The following PDE10A variants were observed in gnomAD, a reference collection of about 807,000 sequenced individuals.
PDE10A encodes cAMP and cAMP-inhibited cGMP 3',5'-cyclic phosphodiesterase 10A.
A neutral mutation model predicts 97.7 loss-of-function variants in PDE10A; 39 were observed. The ratio of observed to expected loss-of-function variants is 0.40; its 90% CI spans 0.31 to 0.52. The LOEUF (loss-of-function observed/expected upper bound fraction) is 0.52. PDE10A is among the 20% of genes least tolerant of loss of function. The pLI, the probability that PDE10A is intolerant of heterozygous loss-of-function variation, is 0.56. For synonymous variants in PDE10A, 371 were observed against 376.8 expected (o/e 0.98, Z 0.18); for missense variants, 731 against 1,047.8 (o/e 0.70, Z 4.17).
chr6:165,682,164 C>T (rs1383618500), intron 1 of PDE10A, among the ~76,000 whole-genome samples: 1 of 152,188 alleles, frequency 6.6e-6, no homozygotes, highest in African/African-American at 2.4e-5. Context: ...TACGGTCTCA[C>T]TCTGTCACCC....
At chr6:165,654,176 T>G (rs1789822476) in intron 1 of PDE10A, among the ~76,000 whole-genome samples, 3 of 152,198 alleles carry the variant, frequency 2.0e-5, no homozygotes, top group South Asian at 4.1e-4. Flanking sequence ...CGATCCCCCC[T>G]GTACACCGGT....
rs573673907 is a variant in PDE10A at position 165,644,711 on chromosome 6, G to A, written c.865+17236C>T. Among the ~76,000 whole-genome samples the A allele has an allele frequency of 4.6e-5, 7 of 152,256 alleles. No individual in the cohort carries two copies. In the East Asian group the frequency reaches 7.7e-4, roughly 17 times the overall value. ...CACAGCGTATTCTATGAAAACCCCC[G>A]TATGAAATGACTGTCTTAGAACAGG... On this transcript the variant is annotated intron_variant, in intron 1 of 21. Transcript: ENST00000539869.
chr6:165,521,288 A>C (rs1162891983), intron 2 of PDE10A, among the ~76,000 whole-genome samples: 1 of 152,088 alleles, frequency 6.6e-6, no homozygotes, highest in Non-Finnish European at 1.5e-5. Context: ...TCCCTGAGAC[A>C]CAACAGAATT....
At chr6:165,653,052 C>T (rs535137111) in intron 1 of PDE10A, among the ~76,000 whole-genome samples, 3 of 152,266 alleles carry the variant, frequency 2.0e-5, no homozygotes, top group East Asian at 1.9e-4. Context: ...ATTTGGATTA[C>T]ATGAAAATAT....
At chr6:165,542,313 A>C (rs975316996) in intron 2 of PDE10A, among the ~76,000 whole-genome samples, 1 of 152,208 alleles carries the variant, frequency 6.6e-6, no homozygotes, top group African/African-American at 2.4e-5. Context: ...CAAATCAAAC[A>C]ATCCAATATA....
intron 2 of PDE10A, among the ~76,000 whole-genome samples, chr6:165,501,034 T>TC (rs1051606961): frequency 6.6e-6 from 1 of 151,706 alleles, no homozygotes; most frequent in Non-Finnish European, 1.5e-5. Context: ...TCCTGCCACA[T>TC]CCCCCTCTCC....
At chr6:165,793,208 T>G (rs911199475) in intron 1 of PDE10A, among the ~76,000 whole-genome samples, 1 of 152,128 alleles carries the variant, frequency 6.6e-6, no homozygotes, top group South Asian at 2.1e-4. Context: ...ACCAAATGCA[T>G]GAGCCAAACT....
intron 1 of PDE10A, among the ~76,000 whole-genome samples, chr6:165,738,580 A>G (rs1792641281): frequency 6.6e-6 from 1 of 151,930 alleles, no homozygotes; most frequent in Admixed American, 6.6e-5. Flanking sequence ...TCCCTGAGGA[A>G]TCGCCACACT....
At chr6:165,876,723 G>A (rs894801776) in intron 1 of PDE10A, among the ~76,000 whole-genome samples, 3 of 152,146 alleles carry the variant, frequency 2.0e-5, no homozygotes, top group Admixed American at 6.5e-5. Flanking sequence ...CCAAGCCTCC[G>A]TGCGTCACGG....
intron 1 of PDE10A, among the ~76,000 whole-genome samples, chr6:165,779,200 T>C (rs1251595168): frequency 6.6e-6 from 1 of 152,246 alleles, no homozygotes; most frequent in Non-Finnish European, 1.5e-5. Context: ...ATTTTTGTTT[T>C]TTCCCCTACG....
intron 1 of PDE10A, among the ~76,000 whole-genome samples, chr6:165,652,314 T>C (rs1290838579): frequency 2.0e-4 from 30 of 152,000 alleles, no homozygotes; most frequent in Admixed American, 2.0e-3. Flanking sequence ...TACAGTGCAA[T>C]GGTGTGATCA....
At chr6:165,859,076 T>C (rs1780828380) in intron 1 of PDE10A, among the ~76,000 whole-genome samples, 1 of 152,204 alleles carries the variant, frequency 6.6e-6, no homozygotes, top group South Asian at 2.1e-4. Flanking sequence ...TAAGATTAGG[T>C]TCCTGGGAGC....
In PDE10A at chr6:165,959,871, T is replaced by C. The variant is rs188914606; in HGVS notation, c.-615+27658A>G. ...TGGAAAGCTCAGGCACCAAACACCA[T>C]GACCTCTCCCCACTTCCACTGGAAC... On this transcript the variant is annotated intron_variant, in intron 1 of 19. Coordinates refer to the PDE10A transcript ENST00000366882. Among the ~76,000 whole-genome samples the C allele has an allele frequency of 5.9e-5, 9 of 152,156 alleles. 1 individual carries two copies. Among genetic ancestry groups the C allele is most frequent in the East Asian group, 1.9e-4 (1 of 5,172 alleles).
At chr6:165,533,539 T>C (rs1426561899) in intron 2 of PDE10A, among the ~76,000 whole-genome samples, 1 of 152,204 alleles carries the variant, frequency 6.6e-6, no homozygotes, top group Non-Finnish European at 1.5e-5. Flanking sequence ...AGGTGGACTA[T>C]ATTTCTTGTT....
At chr6:165,362,132 A>T (rs1783464393) in intron 18 of PDE10A, among the ~76,000 whole-genome samples, 1 of 152,168 alleles carries the variant, frequency 6.6e-6, no homozygotes, top group African/African-American at 2.4e-5. Flanking sequence ...CTTAAGACTG[A>T]AAAAGGAGGA....
At chr6:165,539,568 G>A (rs566985607) in intron 2 of PDE10A, among the ~76,000 whole-genome samples, 193 of 152,256 alleles carry the variant, frequency 1.3e-3, no homozygotes, top group Non-Finnish European at 2.2e-3. Context: ...CCCAGCACCT[G>A]AACAGAACTT....
chr6:165,563,209 GAAAAAGA>G (rs1198994991), intron 1 of PDE10A, among the ~76,000 whole-genome samples: 2 of 119,430 alleles, frequency 1.7e-5, no homozygotes, highest in Admixed American at 1.0e-4. Context: ...AGGGAGGGGG[GAAAAAGA>G]AAAAAGAAAG....
At chr6:165,789,055 ATCC>A (rs1778577015) in intron 1 of PDE10A, among the ~76,000 whole-genome samples, 1 of 152,154 alleles carries the variant, frequency 6.6e-6, no homozygotes, top group South Asian at 2.1e-4. Context: ...GGGGCAGAGC[ATCC>A]TCTGTGGGGG....
At chr6:165,465,369 A>G (rs1778578606) in intron 3 of PDE10A, among the ~76,000 whole-genome samples, 1 of 152,238 alleles carries the variant, frequency 6.6e-6, no homozygotes, top group Admixed American at 6.5e-5. Flanking sequence ...AAGGGCCAGT[A>G]GATATTCACC....
Sources: gnomAD v4.1 joint callset for allele counts (sites outside exome capture counted in the v4.1 genomes callset) on GRCh38, gnomAD v4.1.1 for gene constraint, MANE v1.5 for transcripts, NCBI Gene and HGNC (gene_info 2026-07-23, HGNC 2026-07-21) for gene names.